Variants in NAV2 observed in about 807,000 individuals in gnomAD.
The protein encoded by NAV2 is helicase, APC down-regulated 1.
A neutral mutation model predicts 223.2 loss-of-function variants in NAV2; 54 were observed. The ratio of observed to expected loss-of-function variants is 0.24; its 90% confidence interval spans 0.19 to 0.30. The LOEUF (loss-of-function observed/expected upper bound fraction) is 0.30. NAV2 is among the 10% of genes least tolerant of loss of function. The pLI is 1.00. For missense variants in NAV2, 2,806 were observed against 3,147.5 expected (o/e 0.89, Z 2.60); for synonymous variants, 1,279 against 1,239.3 (o/e 1.03, Z -0.67).
At chr11:19,436,229 T>G (rs1161214909) in intron 1 of NAV2, among the ~76,000 whole-genome samples, 1 of 152,212 alleles carries the variant, frequency 6.6e-6, no homozygotes, top group Non-Finnish European at 1.5e-5. Context: ...AAGTCTTTAA[T>G]CCATTTTGAC....
chr11:19,841,220 A>G (rs547594406), intron 2 of NAV2, among the ~76,000 whole-genome samples: 1 of 152,176 alleles, frequency 6.6e-6, no homozygotes, highest in African/African-American at 2.4e-5. Flanking sequence ...GACTGAATAT[A>G]TACTAACCAG....
intron 1 of NAV2, among the ~76,000 whole-genome samples, chr11:19,543,724 G>T (rs2044403370): frequency 6.6e-6 from 1 of 152,172 alleles, no homozygotes; most frequent in African/African-American, 2.4e-5. Flanking sequence ...GATACTCATA[G>T]CAGGTGTTCA....
intron 1 of NAV2, among the ~76,000 whole-genome samples, chr11:19,454,011 C>T (rs150987029): frequency 1.3e-5 from 2 of 152,298 alleles, no homozygotes; most frequent in African/African-American, 2.4e-5. Context: ...CCGCTGCCAC[C>T]GCCTTGGACG....
At chr11:19,908,424 A>T (rs1044931533) in intron 6 of NAV2, among the ~76,000 whole-genome samples, 4 of 152,152 alleles carry the variant, frequency 2.6e-5, no homozygotes, top group African/African-American at 7.2e-5. Context: ...CTCCAGCACC[A>T]GGAGGAGGAG....
intron 1 of NAV2, among the ~76,000 whole-genome samples, chr11:19,806,554 C>T (rs911974215): frequency 6.6e-6 from 1 of 152,184 alleles, no homozygotes; most frequent in African/African-American, 2.4e-5. Flanking sequence ...AAGCAGAAAA[C>T]CTTGGTCGAA....
chr11:19,594,356 T>C (rs1428669333), intron 1 of NAV2, among the ~76,000 whole-genome samples: 4 of 152,186 alleles, frequency 2.6e-5, no homozygotes, highest in Admixed American at 2.6e-4. Context: ...ATTGTGTCTC[T>C]TTTCAACCGC....
At chr11:19,668,240 T>TA (rs1191095920) in intron 1 of NAV2, among the ~76,000 whole-genome samples, 1 of 152,164 alleles carries the variant, frequency 6.6e-6, no homozygotes, top group African/African-American at 2.4e-5. Flanking sequence ...TCAATTGCCT[T>TA]AAAAAGTATC....
intron 1 of NAV2, among the ~76,000 whole-genome samples, chr11:19,409,096 C>CT (rs34201375): frequency 4.0e-4 from 61 of 152,160 alleles, no homozygotes; most frequent in Non-Finnish European, 2.5e-4. Context: ...AATCACATGT[C>CT]TTTTTTTTCC....
chr11:19,841,457 A>C (rs1329290377), intron 2 of NAV2, among the ~76,000 whole-genome samples: 1 of 152,144 alleles, frequency 6.6e-6, no homozygotes, highest in Non-Finnish European at 1.5e-5. Context: ...ATATTTATTA[A>C]AATATGATAT....
At chr11:19,981,394 CTG>C (rs2050270527) in intron 10 of NAV2, 1 of 152,216 alleles carries the variant, frequency 6.6e-6, no homozygotes, top group Admixed American at 6.5e-5. Context: ...GCCCCACAGT[CTG>C]GCCTTAGCAG....
intron 3 of NAV2, among the ~76,000 whole-genome samples, chr11:19,850,534 T>G (rs750338840): frequency 6.6e-6 from 1 of 152,194 alleles, no homozygotes; most frequent in African/African-American, 2.4e-5. Context: ...TATCTACAGC[T>G]GAGCAGTGCT....
intron 6 of NAV2, among the ~76,000 whole-genome samples, chr11:19,912,303 A>G (rs570130451): frequency 2.0e-5 from 3 of 152,326 alleles, no homozygotes; most frequent in South Asian, 4.1e-4. Flanking sequence ...GTATGTTTCT[A>G]TATCTCTTGC....
At chr11:19,792,192 A>G (rs1201179200) in intron 1 of NAV2, among the ~76,000 whole-genome samples, 1 of 152,180 alleles carries the variant, frequency 6.6e-6, no homozygotes, top group Non-Finnish European at 1.5e-5. Context: ...ACACACATAT[A>G]CTTAGGTCCA....
intron 2 of NAV2, among the ~76,000 whole-genome samples, chr11:19,832,943 C>G (rs1357277492): frequency 6.6e-6 from 1 of 152,108 alleles, no homozygotes; most frequent in Non-Finnish European, 1.5e-5. Context: ...TTGGATGGTA[C>G]TTTTGTGGAT....
At chr11:20,076,306 A>G (rs1041888101) in intron 22 of NAV2, among the ~76,000 whole-genome samples, 4 of 152,166 alleles carry the variant, frequency 2.6e-5, no homozygotes, top group African/African-American at 7.2e-5. Context: ...TCAATCCTTT[A>G]ATTGCTCATC....
In NAV2 at chr11:19,423,565, C is replaced by G. The variant is rs111993523; in HGVS notation, c.75+72538C>G. Among the ~76,000 whole-genome samples, 594 of 152,340 alleles carry G rather than the reference C, an allele frequency of 3.9e-3. 6 individuals are homozygous for G. The highest frequency in any genetic ancestry group is 0.013 in the African/African-American group (557 of 41,578). ...AGTGGGGAGAGCATTTATTGAGCAT[C>G]TACTCTGTACCATGTACAACACACA... On this transcript the variant is annotated intron_variant, in intron 1 of 37. Transcript: ENST00000360655.
At chr11:19,990,852 C>T (rs1204419557) in intron 11 of NAV2, among the ~76,000 whole-genome samples, 2 of 152,164 alleles carry the variant, frequency 1.3e-5, no homozygotes, top group Non-Finnish European at 2.9e-5. Flanking sequence ...AAGAACAATT[C>T]CCACACTGTA....
chr11:19,524,454 A>T (rs1001751110), intron 1 of NAV2, among the ~76,000 whole-genome samples: 1 of 152,258 alleles, frequency 6.6e-6, no homozygotes, highest in Non-Finnish European at 1.5e-5. Flanking sequence ...AGCAATTAAC[A>T]GCAGAGCCTA....
Position 19,458,707 on chromosome 11 carries a change from G to A in NAV2, c.75+107680G>A. On this transcript the variant is annotated intron_variant, in intron 1 of 37. Transcript: ENST00000360655. ...TTTGAACCCAAAAAGCCTTACTCCT[G>A]AGCCCATGCTTTTAACCAGTTCTCT... Among the ~76,000 whole-genome samples the A allele has an allele frequency of 1.3e-5, 2 of 152,220 alleles. 1 individual carries two copies. Among genetic ancestry groups the A allele is most frequent in the Admixed American group, 1.3e-4 (2 of 15,288 alleles).
Sources: gnomAD v4.1 joint callset for allele counts (sites outside exome capture counted in the v4.1 genomes callset) on GRCh38, gnomAD v4.1.1 for gene constraint, MANE v1.5 for transcripts, NCBI Gene and HGNC (gene_info 2026-07-23, HGNC 2026-07-21) for gene names.